FAM78B: variants seen among roughly 807,000 people sequenced by gnomAD.
FAM78B encodes the protein protein FAM78B.
In FAM78B, 10 loss-of-function variants were observed where a neutral mutation model predicts 20.0. That is an observed-to-expected ratio of 0.50 (90% CI 0.31 to 0.85). The LOEUF (loss-of-function observed/expected upper bound fraction) is 0.85. FAM78B is among the 40% of genes least tolerant of loss of function. The probability of loss-of-function intolerance (pLI) is 0.05; values close to 1 mark genes in which losing one functional copy is unlikely to be tolerated. For synonymous variants in FAM78B, 135 were observed against 132.8 expected, an observed-to-expected ratio of 1.02 and a Z score of -0.12; for missense variants, 283 against 345.0, an observed-to-expected ratio of 0.82 and a Z score of 1.42.
intron 1 of FAM78B, among the ~76,000 whole-genome samples, chr1:166,099,394 G>T (rs982645770): frequency 2.0e-5 from 3 of 152,156 alleles, no homozygotes; most frequent in African/African-American, 7.2e-5. Flanking sequence ...CAAAGAGCAT[G>T]ATGAATGCAA....
At chr1:166,164,313 G>A (rs1451701252) in intron 1 of FAM78B, among the ~76,000 whole-genome samples, 2 of 152,204 alleles carry the variant, frequency 1.3e-5, no homozygotes, top group African/African-American at 2.4e-5. Flanking sequence ...GAAATGAGAG[G>A]AAGGGCTCTT....
intron 1 of FAM78B, among the ~76,000 whole-genome samples, chr1:166,071,064 G>C (rs1652008594): frequency 6.6e-6 from 1 of 152,298 alleles, no homozygotes; most frequent in Non-Finnish European, 1.5e-5. Flanking sequence ...GTTAGATGAT[G>C]GTAATCAGCA....
intron 1 of FAM78B, among the ~76,000 whole-genome samples, chr1:166,107,156 C>A (rs1365578962): frequency 4.0e-5 from 6 of 151,832 alleles, no homozygotes; most frequent in African/African-American, 1.5e-4. Flanking sequence ...AAGATCAGAG[C>A]AGAACGAAAT....
At chr1:166,059,979 A>T (rs915510395) in exon 3 of FAM78B, 1 of 152,920 alleles carries the variant, frequency 6.5e-6, no homozygotes, top group Admixed American at 6.5e-5. Context: ...AAACCAATAA[A>T]TAAACCAATG....
At chr1:166,060,789 C>A in intron 2 of FAM78B, 1 of 462,648 alleles carries the variant, frequency 2.2e-6, no homozygotes. Context: ...GGAGATGACC[C>A]TGAAATTTTA....
downstream of FAM78B, among the ~76,000 whole-genome samples, chr1:166,065,571 T>C (rs1014346122): frequency 2.5e-4 from 38 of 152,134 alleles, no homozygotes; most frequent in Non-Finnish European, 5.4e-4. Flanking sequence ...ATAAAGGGAA[T>C]TTTAGGACCC....
intron 1 of FAM78B, among the ~76,000 whole-genome samples, chr1:166,088,230 A>G (rs956247663): frequency 6.6e-6 from 1 of 152,168 alleles, no homozygotes; most frequent in East Asian, 1.9e-4. Flanking sequence ...CGCTCTTTAG[A>G]TGTTAAATTG....
chr1:166,060,806 A>T lies in FAM78B; in HGVS notation c.*410-143T>A, dbSNP rs189024957. On this transcript the variant is annotated intron_variant and NMD_transcript_variant, in intron 2 of 2. Transcript: ENST00000435676. The stretch of plus-strand genomic sequence containing the variant: ...AGATGACCCTGAAATTTTACAAAAA[A>T]TTTTTGGTATTTATTTTCATATGCA... 91 of 349,550 alleles carry T rather than the reference A, an allele frequency of 2.6e-4. 1 individual carries two copies. The highest frequency in any genetic ancestry group is 1.3e-3 in the African/African-American group (61 of 45,558). The allele number at this position is 349,550 out of a possible 1,614,324, so 21.7% of individuals were successfully genotyped here. A position where few individuals can be genotyped will look rare whatever the true frequency, so the allele number is the denominator to read the frequency against.
At chr1:166,135,725 T>C (rs1424975837) in intron 1 of FAM78B, among the ~76,000 whole-genome samples, 1 of 152,208 alleles carries the variant, frequency 6.6e-6, no homozygotes, top group Non-Finnish European at 1.5e-5. Flanking sequence ...GTCTCAGGGT[T>C]CTGGACTACC....
intron 1 of FAM78B, among the ~76,000 whole-genome samples, chr1:166,075,780 G>A (rs1169303291): frequency 6.6e-6 from 1 of 152,112 alleles, no homozygotes; most frequent in Admixed American, 6.6e-5. Context: ...CATTTCCTTG[G>A]TGATCTCATC....
intron 1 of FAM78B, among the ~76,000 whole-genome samples, chr1:166,082,115 C>T (rs934672698): frequency 2.6e-5 from 4 of 152,184 alleles, no homozygotes; most frequent in Non-Finnish European, 4.4e-5. Flanking sequence ...GTACATCAGG[C>T]CATGTCTCAT....
At chr1:166,068,302 C>G (rs1483670339), downstream of FAM78B, among the ~76,000 whole-genome samples, 1 of 152,178 alleles carries the variant, frequency 6.6e-6, no homozygotes, top group Non-Finnish European at 1.5e-5. Flanking sequence ...CCAAATAAAA[C>G]AAGGAAACAT....
Position 166,069,871 on chromosome 1 carries a change from TG to T in FAM78B, c.*369del. ...GTTTTCACTCCTACTTCTAATTGGC[TG>T]GGAAGCAGCATTTGCCACAGGCACT... On this transcript the variant is annotated 3_prime_UTR_variant, in exon 2 of 2. Transcript: ENST00000354422. 3 of 587,178 alleles carry T rather than the reference TG, an allele frequency of 5.1e-6. No homozygotes were observed. Among genetic ancestry groups the T allele is most frequent in the Non-Finnish European group, 6.5e-6 (3 of 461,798 alleles). 36.4% of individuals were successfully genotyped at this position (587,178 alleles called of 1,614,324 possible).
At chr1:166,101,544 C>A (rs544490109) in intron 1 of FAM78B, among the ~76,000 whole-genome samples, 1 of 152,326 alleles carries the variant, frequency 6.6e-6, no homozygotes, top group South Asian at 2.1e-4. Flanking sequence ...AACCATACCA[C>A]AAGAACTATG....
chr1:166,119,459 C>A (rs1227868325), intron 1 of FAM78B, among the ~76,000 whole-genome samples: 1 of 152,154 alleles, frequency 6.6e-6, no homozygotes, highest in Non-Finnish European at 1.5e-5. Context: ...AACAAACAGC[C>A]AATCTGAGGC....
At chr1:166,138,130 G>C (rs16856599) in intron 1 of FAM78B, among the ~76,000 whole-genome samples, 6,378 of 152,230 alleles carry the variant, frequency 0.042, 484 homozygotes, top group African/African-American at 0.15. Flanking sequence ...TTTACAGAAA[G>C]AGGATGACGG....
chr1:166,064,852 A>T (rs527535726), downstream of FAM78B, among the ~76,000 whole-genome samples: 3 of 152,336 alleles, frequency 2.0e-5, no homozygotes, highest in Admixed American at 2.0e-4. Context: ...GGCTGTATTA[A>T]TATCTCAGGT....
At chr1:166,093,936 C>T (rs1057222302) in intron 1 of FAM78B, among the ~76,000 whole-genome samples, 33 of 145,350 alleles carry the variant, frequency 2.3e-4, no homozygotes, top group Admixed American at 8.3e-4. Context: ...TGACGGTGCA[C>T]GGGGAGAGAG....
chr1:166,122,893 G>C (rs189810720), intron 1 of FAM78B, among the ~76,000 whole-genome samples: 562 of 152,204 alleles, frequency 3.7e-3, no homozygotes, highest in South Asian at 8.1e-3. Context: ...GGATCCCATA[G>C]AGTGGATTAT....
Sources: gnomAD v4.1 joint callset for allele counts (sites outside exome capture counted in the v4.1 genomes callset) on GRCh38, gnomAD v4.1.1 for gene constraint, MANE v1.5 for transcripts, NCBI Gene and HGNC (gene_info 2026-07-23, HGNC 2026-07-21) for gene names.